Variants in ZMAT4 observed in about 807,000 individuals in gnomAD.
ZMAT4 encodes the protein zinc finger matrin-type protein 4.
Under a neutral mutation model 28.7 loss-of-function variants are expected in ZMAT4, and 17 were observed. The observed-to-expected ratio is 0.59, with a 90% CI of 0.41 to 0.89. The LOEUF (loss-of-function observed/expected upper bound fraction) is 0.89, where lower values mean the gene tolerates loss of function less well. Among genes scored for constraint, ZMAT4 ranks in the 40% least tolerant of loss-of-function variants. The probability of loss-of-function intolerance (pLI) is 0.00; values close to 1 mark genes in which losing one functional copy is unlikely to be tolerated. For missense variants in ZMAT4, 240 were observed against 283.8 expected (o/e 0.85, Z 1.11); for synonymous variants, 117 against 109.2 (o/e 1.07, Z -0.44).
chr8:40,541,833 G>T (rs776714340), intron 6 of ZMAT4, among the ~76,000 whole-genome samples: 2 of 152,220 alleles, frequency 1.3e-5, no homozygotes, highest in Non-Finnish European at 1.5e-5. Context: ...AGCAGGGGAA[G>T]GGAAAATGTC....
intron 1 of ZMAT4, among the ~76,000 whole-genome samples, chr8:40,891,186 GGGAGAGGAGAGGAGA>G (rs1191699611): frequency 6.7e-5 from 3 of 44,638 alleles, no homozygotes; most frequent in Admixed American, 3.5e-4. Flanking sequence ...CAACAGAGTG[GGGAGAGGAGAGGAGA>G]GGAGAGGAGA....
chr8:40,791,101 T>C (rs10958635), intron 2 of ZMAT4, among the ~76,000 whole-genome samples: 65,627 of 152,148 alleles, frequency 0.43, 14,683 homozygotes, highest in Middle Eastern at 0.55. Context: ...TTAACTTTGA[T>C]CTATATCAGC....
chr8:40,765,811 G>T (rs1397806495), intron 3 of ZMAT4, among the ~76,000 whole-genome samples: 1 of 152,160 alleles, frequency 6.6e-6, no homozygotes, highest in Non-Finnish European at 1.5e-5. Context: ...AAGTGGCTGT[G>T]AACCCCATTG....
At chr8:40,845,143 G>C (rs1424300713) in intron 1 of ZMAT4, among the ~76,000 whole-genome samples, 1 of 152,142 alleles carries the variant, frequency 6.6e-6, no homozygotes, top group African/African-American at 2.4e-5. Flanking sequence ...CGCATCTACA[G>C]CTCTTACAAC....
At chr8:40,774,232 T>C (rs1048138064) in intron 2 of ZMAT4, among the ~76,000 whole-genome samples, 62 of 152,128 alleles carry the variant, frequency 4.1e-4, no homozygotes, top group Middle Eastern at 3.2e-3. Context: ...AGGATAGAAA[T>C]AGGAATTGTA....
intron 2 of ZMAT4, among the ~76,000 whole-genome samples, chr8:40,786,504 A>G (rs1307624475): frequency 6.6e-6 from 1 of 152,126 alleles, no homozygotes; most frequent in Non-Finnish European, 1.5e-5. Flanking sequence ...GTACACAAAC[A>G]AGGGTCAAAA....
intron 6 of ZMAT4, among the ~76,000 whole-genome samples, chr8:40,536,904 G>GA (rs33947310): frequency 3.9e-4 from 56 of 143,570 alleles, no homozygotes; most frequent in Admixed American, 5.6e-4. Flanking sequence ...GGGGTTTGGA[G>GA]AAAAAAAAAA....
intron 3 of ZMAT4, among the ~76,000 whole-genome samples, chr8:40,735,108 A>AT (rs1389472945): frequency 6.6e-6 from 1 of 152,238 alleles, no homozygotes; most frequent in Non-Finnish European, 1.5e-5. Flanking sequence ...TCTAGGCAGA[A>AT]ACTCTGCCTT....
At chr8:40,675,920 A>G (rs1808889292) in intron 4 of ZMAT4, among the ~76,000 whole-genome samples, 2 of 152,224 alleles carry the variant, frequency 1.3e-5, no homozygotes, top group Admixed American at 1.3e-4. Context: ...TTGAGATTGC[A>G]TTGTTCCACC....
intron 4 of ZMAT4, among the ~76,000 whole-genome samples, chr8:40,694,181 G>A (rs970690658): frequency 1.3e-5 from 2 of 152,174 alleles, no homozygotes; most frequent in Admixed American, 1.3e-4. Flanking sequence ...AAGCCCTGGA[G>A]AAGCTGCTGC....
At chr8:40,756,626 T>A (rs1452110726) in intron 3 of ZMAT4, among the ~76,000 whole-genome samples, 3 of 2,084 alleles carry the variant, frequency 1.4e-3, no homozygotes, top group African/African-American at 3.0e-3. Context: ...TGTTTGTAAG[T>A]GTGTGTGTGT....
intron 3 of ZMAT4, among the ~76,000 whole-genome samples, chr8:40,756,499 A>G (rs1169542025): frequency 1.4e-5 from 2 of 144,030 alleles, no homozygotes; most frequent in African/African-American, 5.2e-5. Context: ...ACATTTATTC[A>G]TCATGGCATT....
chr8:40,820,392 TTG>T (rs926194791), intron 2 of ZMAT4, among the ~76,000 whole-genome samples: 3 of 148,434 alleles, frequency 2.0e-5, no homozygotes, highest in Non-Finnish European at 4.5e-5. Context: ...GTAGAGGTGT[TTG>T]TGTGTATGTG....
chr8:40,626,610 G>T (rs1054729745), intron 5 of ZMAT4, among the ~76,000 whole-genome samples: 45 of 152,186 alleles, frequency 3.0e-4, no homozygotes, highest in African/African-American at 1.1e-3. Context: ...AGCAATGTTG[G>T]TTAGTTAGGA....
intron 1 of ZMAT4, among the ~76,000 whole-genome samples, chr8:40,869,544 C>T (rs1817781749): frequency 6.6e-6 from 1 of 152,160 alleles, no homozygotes; most frequent in African/African-American, 2.4e-5. Context: ...AGAATATCTA[C>T]ATCACAAGAT....
intron 2 of ZMAT4, among the ~76,000 whole-genome samples, chr8:40,798,156 A>G (rs568296015): frequency 6.6e-6 from 1 of 152,260 alleles, no homozygotes; most frequent in African/African-American, 2.4e-5. Flanking sequence ...TTTTTCCTGC[A>G]TCTCCTTGTG....
Position 40,574,547 on chromosome 8 carries a change from C to G in ZMAT4, c.674+6618G>C, listed in dbSNP as rs76099701. Among the ~76,000 whole-genome samples, 689 of 152,170 alleles carry G rather than the reference C, an allele frequency of 4.5e-3. 1 individual carries two copies. Among genetic ancestry groups the G allele is most frequent in the Middle Eastern group, 0.02 (6 of 294 alleles). ...GACTAGTGGTGCCTGGCATTTGTTC[C>G]TCCCACAAAAAAAGAACCAAAATAA... On this transcript the variant is annotated intron_variant, in intron 6 of 6. Transcript: ENST00000297737.
chr8:40,590,508 C>T (rs1284306850), intron 5 of ZMAT4, among the ~76,000 whole-genome samples: 2 of 152,032 alleles, frequency 1.3e-5, no homozygotes, highest in South Asian at 2.1e-4. Context: ...ACAGTGTTCT[C>T]ATTGGAATAT....
intron 5 of ZMAT4, among the ~76,000 whole-genome samples, chr8:40,585,409 G>A (rs1359123219): frequency 6.6e-6 from 1 of 151,974 alleles, no homozygotes; most frequent in Non-Finnish European, 1.5e-5. Flanking sequence ...TAGATTCCCA[G>A]GCAAAACTTC....
Sources: allele counts gnomAD v4.1 joint callset (sites outside exome capture counted in the v4.1 genomes callset), GRCh38; gene constraint gnomAD v4.1.1; transcripts MANE v1.5; gene names NCBI Gene and HGNC (gene_info 2026-07-23, HGNC 2026-07-21).